IGSF5: variants seen among roughly 807,000 people sequenced by gnomAD.
IGSF5 encodes the protein immunoglobulin superfamily 5 like.
In IGSF5, 41 loss-of-function variants were observed where a neutral mutation model predicts 39.4. The ratio of observed to expected loss-of-function variants is 1.04; its 90% CI spans 0.81 to 1.35. The LOEUF is 1.35. IGSF5 is among the 40% of genes most tolerant of loss of function. The pLI is 0.00. For missense variants in IGSF5, 487 were observed against 494.6 expected, an observed-to-expected ratio of 0.98 and a Z score of 0.15; for synonymous variants, 183 against 175.3, an observed-to-expected ratio of 1.04 and a Z score of -0.34.
upstream of IGSF5, among the ~76,000 whole-genome samples, chr21:39,741,379 G>A (rs909347023): frequency 2.0e-5 from 3 of 152,236 alleles, no homozygotes; most frequent in African/African-American, 7.2e-5. Flanking sequence ...GGATAAGCCA[G>A]TATAGGCTGG....
At chr21:39,760,598 G>A (rs2080056356) in intron 2 of IGSF5, among the ~76,000 whole-genome samples, 13 of 151,698 alleles carry the variant, frequency 8.6e-5, no homozygotes, top group Admixed American at 8.5e-4. Flanking sequence ...TTTAGACGGA[G>A]TCTCACTCTG....
intron 3 of IGSF5, among the ~76,000 whole-genome samples, chr21:39,770,239 C>T (rs1292016517): frequency 6.6e-6 from 1 of 151,686 alleles, no homozygotes; most frequent in African/African-American, 2.4e-5. Context: ...GGGTTGTTTG[C>T]AGTATGAATG....
At chr21:39,721,673 CCCTTCCTTCCTTCCTTCCTTCCTT>C in the IGSF5 span, among the ~76,000 whole-genome samples, 36 of 140,832 alleles carry the variant, frequency 2.6e-4, no homozygotes, top group African/African-American at 4.3e-4. Context: ...GGCCATCTGT[CCCTTCCTTCCTTCCTTCCTTCCTT>C]CCTTCCTTCC....
the IGSF5 span, among the ~76,000 whole-genome samples, chr21:39,737,937 T>C: frequency 2.0e-5 from 3 of 151,378 alleles, no homozygotes; most frequent in South Asian, 4.2e-4. Flanking sequence ...GAAAGGAGAG[T>C]GGGAGTAGGT....
the IGSF5 span, among the ~76,000 whole-genome samples, chr21:39,720,593 G>T: frequency 2.6e-5 from 4 of 152,182 alleles, no homozygotes; most frequent in Admixed American, 6.5e-5. Flanking sequence ...AAACAAAAAG[G>T]CCAGAGAAGT....
chr21:39,752,503 G>A (rs182966520), intron 2 of IGSF5, among the ~76,000 whole-genome samples: 48 of 152,254 alleles, frequency 3.2e-4, no homozygotes, highest in African/African-American at 9.6e-4. Flanking sequence ...TTCATGTAAC[G>A]ACTTCTTTTC....
intron 5 of IGSF5, among the ~76,000 whole-genome samples, chr21:39,787,911 A>C (rs1312314343): frequency 6.6e-6 from 1 of 152,202 alleles, no homozygotes; most frequent in Non-Finnish European, 1.5e-5. Context: ...GGTGACTGAA[A>C]TATAGTAAGT....
At chr21:39,760,415 A>G (rs1399687497) in intron 2 of IGSF5, among the ~76,000 whole-genome samples, 3 of 152,232 alleles carry the variant, frequency 2.0e-5, no homozygotes, top group East Asian at 3.9e-4. Context: ...CAATCAGGCC[A>G]GGGGTTAGAG....
At chr21:39,727,011 G>T in the IGSF5 span, among the ~76,000 whole-genome samples, 1 of 152,146 alleles carries the variant, frequency 6.6e-6, no homozygotes, top group Admixed American at 6.5e-5. Flanking sequence ...TGGCCTCGAG[G>T]GTGGCCACAG....
chr21:39,757,928 C>A (rs912211269), intron 2 of IGSF5, among the ~76,000 whole-genome samples: 1 of 152,074 alleles, frequency 6.6e-6, no homozygotes, highest in Non-Finnish European at 1.5e-5. Flanking sequence ...CACTGAGATG[C>A]GCTGATCCAA....
chr21:39,756,044 T>TCA (rs2080028506), intron 2 of IGSF5, among the ~76,000 whole-genome samples: 1 of 152,080 alleles, frequency 6.6e-6, no homozygotes, highest in Non-Finnish European at 1.5e-5. Flanking sequence ...TGAGCCGAGA[T>TCA]CGTGCCATTG....
the IGSF5 span, chr21:39,725,963 TC>T: frequency 6.6e-6 from 1 of 152,302 alleles, no homozygotes; most frequent in East Asian, 1.9e-4. Context: ...GAACCTGAGC[TC>T]CAGCAACCTG....
At chr21:39,757,947 C>G (rs7282623) in intron 2 of IGSF5, among the ~76,000 whole-genome samples, 1 of 151,998 alleles carries the variant, frequency 6.6e-6, no homozygotes, top group South Asian at 2.1e-4. Context: ...AATGTGTCCA[C>G]GGGCACACAC....
At chr21:39,750,359 TTCAC>T (rs1332018427) in intron 2 of IGSF5, among the ~76,000 whole-genome samples, 2 of 152,016 alleles carry the variant, frequency 1.3e-5, no homozygotes, top group Non-Finnish European at 2.9e-5. Flanking sequence ...AAGCAGACCT[TTCAC>T]TGGGTGTGGT....
intron 4 of IGSF5, among the ~76,000 whole-genome samples, chr21:39,773,083 A>C (rs913272034): frequency 1.3e-5 from 2 of 152,238 alleles, no homozygotes; most frequent in Admixed American, 1.3e-4. Flanking sequence ...CTATGTACTA[A>C]GCCTAGTACC....
chr21:39,770,433 A>T (rs2080108070), intron 3 of IGSF5, among the ~76,000 whole-genome samples: 1 of 152,146 alleles, frequency 6.6e-6, no homozygotes, highest in Non-Finnish European at 1.5e-5. Context: ...AGAAATAAAT[A>T]AAAATGTATC....
chr21:39,758,177 T>A (rs759916251), intron 2 of IGSF5, among the ~76,000 whole-genome samples: 16 of 152,088 alleles, frequency 1.1e-4, no homozygotes, highest in Non-Finnish European at 2.4e-4. Context: ...ACTTGGAGTG[T>A]AGGGGGAAGA....
intron 1 of IGSF5, among the ~76,000 whole-genome samples, 153 bp downstream of exon 1, chr21:39,745,679 G>A (rs1569245635): frequency 6.6e-6 from 1 of 152,116 alleles, no homozygotes; most frequent in Non-Finnish European, 1.5e-5. Context: ...CTGGCTCCAG[G>A]CAGACCAATG....
At chr21:39,787,251 T>C (rs1601139603) in intron 5 of IGSF5, among the ~76,000 whole-genome samples, 2 of 152,344 alleles carry the variant, frequency 1.3e-5, no homozygotes, top group Middle Eastern at 6.8e-3. Context: ...TGATAGTCTC[T>C]TTTCTGCAAT....
Sources: gnomAD v4.1 joint callset for allele counts (sites outside exome capture counted in the v4.1 genomes callset) on GRCh38, gnomAD v4.1.1 for gene constraint, MANE v1.5 for transcripts, NCBI Gene and HGNC (gene_info 2026-07-23, HGNC 2026-07-21) for gene names.